The following SPTAN1 variants were observed in gnomAD, a reference collection of about 807,000 sequenced individuals.
SPTAN1 encodes the protein spectrin alpha, non-erythrocytic 1.
SPTAN1 carries 61 observed loss-of-function variants against 331.3 expected under a neutral mutation model. That is an observed-to-expected ratio of 0.18 (90% CI 0.15 to 0.23). The LOEUF (loss-of-function observed/expected upper bound fraction) is 0.23, where lower values mean the gene tolerates loss of function less well. SPTAN1 is among the 10% of genes least tolerant of loss of function. The pLI is 1.00. For synonymous variants in SPTAN1, 1,153 were observed against 1,173.9 expected (o/e 0.98, Z 0.36); for missense variants, 2,043 against 3,147.9 (o/e 0.65, Z 8.40).
At position 128,624,871 on chromosome 9, in the gene SPTAN1, A is replaced by G. The variant is rs1858497433; in HGVS notation, c.5993-232A>G. 2.0e-5 allele frequency: 12 copies of G among 606,852 alleles called. No individual in the cohort carries two copies. In the South Asian group the frequency reaches 2.3e-4, roughly 11 times the overall value. 37.6% of individuals were successfully genotyped at this position (606,852 alleles called of 1,614,324 possible). ...ATATCGGGGTCCACGTGTCCTGGGT[A>G]GTAGTAATAGCAACTGAACTAGAAG... On this transcript the variant is annotated intron_variant, in intron 46 of 56. Coordinates refer to ENST00000372739, the MANE Select transcript of SPTAN1 (RefSeq NM_001130438.3).
At chr9:128,574,525 T>A in intron 3 of SPTAN1, 150 bp from the exon 4 acceptor site, 3 of 978,876 alleles carry the variant, frequency 3.1e-6, no homozygotes, top group Non-Finnish European at 4.6e-6. Context: ...CCAGTTAAAT[T>A]TACTATTTCC....
intron 19 of SPTAN1, 25 bp from the exon 20 acceptor site, chr9:128,587,581 G>T (rs2131237306): frequency 6.2e-7 from 1 of 1,608,342 alleles, no homozygotes; most frequent in East Asian, 2.2e-5. Flanking sequence ...CCTGCACAGT[G>T]CTCCATGTGT....
At chr9:128,589,727 C>T (rs1162832089) in intron 21 of SPTAN1, among the ~76,000 whole-genome samples, 1 of 151,780 alleles carries the variant, frequency 6.6e-6, no homozygotes, top group Non-Finnish European at 1.5e-5. Flanking sequence ...AGGTGCCTGC[C>T]ACCACGCCCG....
At chr9:128,568,487 A>G (rs149459276) in intron 2 of SPTAN1, among the ~76,000 whole-genome samples, 4 of 152,328 alleles carry the variant, frequency 2.6e-5, no homozygotes, top group Non-Finnish European at 5.9e-5. Context: ...AAAACAAAAA[A>G]TTATTAATAG....
At chr9:128,562,537 GAT>G (rs1200492644) in intron 1 of SPTAN1, among the ~76,000 whole-genome samples, 1 of 152,160 alleles carries the variant, frequency 6.6e-6, no homozygotes, top group East Asian at 1.9e-4. Context: ...CTTGACATGA[GAT>G]ACGGCTGGAG....
chr9:128,583,001 T>A, intron 14 of SPTAN1, 76 bp from the exon 15 acceptor site: 2 of 1,581,842 alleles, frequency 1.3e-6, no homozygotes, highest in Non-Finnish European at 1.7e-6. Flanking sequence ...TCCATAAAGA[T>A]AAGTATGAAG....
chr9:128,562,039 CAG>C (rs1475583075), intron 1 of SPTAN1, among the ~76,000 whole-genome samples: 1 of 152,058 alleles, frequency 6.6e-6, no homozygotes, highest in African/African-American at 2.4e-5. Flanking sequence ...GGTGGGTGGT[CAG>C]GGAGTGGAGA....
intron 24 of SPTAN1, chr9:128,595,837 TTTTC>T (rs1854203316): frequency 6.6e-6 from 1 of 152,042 alleles, no homozygotes; most frequent in Non-Finnish European, 1.5e-5. Flanking sequence ...TTTGTTTAGG[TTTTC>T]TTTCTTTTAT....
intron 10 of SPTAN1, 89 bp from the exon 11 acceptor site, chr9:128,580,833 G>C: frequency 1.9e-6 from 3 of 1,586,990 alleles, no homozygotes; most frequent in Non-Finnish European, 8.6e-7. Flanking sequence ...TTAGCACTAG[G>C]ATTAGGAATT....
At chr9:128,590,547 T>TA (rs766776858) in intron 21 of SPTAN1, among the ~76,000 whole-genome samples, 73,752 of 103,900 alleles carry the variant, frequency 0.71, 30,518 homozygotes, top group Non-Finnish European at 0.89. Flanking sequence ...CTATTTATAT[T>TA]AAAAAAGAAA....
chr9:128,599,778 G>A (rs150074139), intron 26 of SPTAN1: 1 of 366,260 alleles, frequency 2.7e-6, no homozygotes. Context: ...CCCCTTTGCA[G>A]ACAATCTTAT....
At position 128,584,841 on chromosome 9, in the gene SPTAN1, A is replaced by C. The variant is rs777702782; in HGVS notation, c.2558A>C (p.Glu853Ala). Residue 853 changes from glutamate (E) to alanine (A), a missense_variant and splice_region_variant, in exon 18 of 57, where the codon GAA becomes GCA. Glu to Ala is a moderately radical substitution (Grantham distance 107). Around this residue, in one of 12 missense-constraint regions of SPTAN1, gnomAD observed 1,038 missense variants for 1,531.5 expected, o/e 0.68. Transcript: ENST00000372739. ...CAGAAGGGGAATGCCATGGTGGAGG[A>C]AGGTGAGTGATTGGTATCAGTGACA... ...VTQKGNAMVE[E>A]GHFAAEDVKA... 3.1e-6 allele frequency: 5 copies of C among 1,614,096 alleles called. No homozygotes were observed. Among genetic ancestry groups the C allele is most frequent in the Non-Finnish European group, 4.2e-6 (5 of 1,180,018 alleles).
At chr9:128,554,843 T>C (rs1441053169) in intron 1 of SPTAN1, among the ~76,000 whole-genome samples, 2 of 152,248 alleles carry the variant, frequency 1.3e-5, no homozygotes, top group African/African-American at 4.8e-5. Flanking sequence ...TGCATATTCC[T>C]CTTGTACCAA....
At chr9:128,591,355 T>C (rs1853490975) in intron 21 of SPTAN1, 122 bp from the exon 22 acceptor site, 1 of 1,302,656 alleles carries the variant, frequency 7.7e-7, no homozygotes, top group African/African-American at 1.5e-5. Context: ...TGTGAGCCAC[T>C]GTGGCCGGCC....
intron 1 of SPTAN1, among the ~76,000 whole-genome samples, chr9:128,562,983 C>CAT (rs1849565252): frequency 8.3e-6 from 1 of 120,802 alleles, no homozygotes; most frequent in African/African-American, 3.6e-5. Flanking sequence ...TATATATATA[C>CAT]ATGTATGTGT....
At chr9:128,568,187 A>G (rs1048081283) in intron 2 of SPTAN1, among the ~76,000 whole-genome samples, 3 of 152,234 alleles carry the variant, frequency 2.0e-5, no homozygotes, top group African/African-American at 7.2e-5. Context: ...ACTATAAAAA[A>G]TTGATTACAG....
chr9:128,625,870 G>A lies in SPTAN1; in HGVS notation c.6171G>A (p.Lys2057=), dbSNP rs777182182. ...QLLAAKHVQS[K]AIEARHASLM... is the part of the protein sequence containing the mutation. The stretch of plus-strand genomic sequence containing the variant: ...TCGCCGCCAAACACGTTCAGTCCAA[G>A]GCCATCGAGGCCCGGCACGCCTCCC... The change falls in exon 48 of 57, where the codon AAG becomes AAA. Residue 2057 remains lysine, a synonymous_variant. Coordinates refer to ENST00000372739, the MANE Select transcript of SPTAN1 (RefSeq NM_001130438.3). The surrounding 1 kb of genome is among the most constrained non-coding windows in gnomAD (Gnocchi z 4.1). 7 of 1,614,180 alleles carry A rather than the reference G, an allele frequency of 4.3e-6. No homozygotes were observed. In the South Asian group the frequency reaches 7.7e-5, roughly 18 times the overall value.
intron 5 of SPTAN1, 67 bp downstream of exon 5, chr9:128,575,412 A>G: frequency 6.3e-7 from 1 of 1,575,978 alleles, no homozygotes; most frequent in Non-Finnish European, 8.6e-7. Flanking sequence ...TATTCAGGAT[A>G]AAATTTTGAT....
In SPTAN1 at chr9:128,587,772, A is replaced by G. The variant is rs570885419; in HGVS notation, c.2871+74A>G. 65 of 1,215,534 alleles carry G rather than the reference A, an allele frequency of 5.3e-5. No individual in the cohort carries two copies. In the East Asian group the frequency reaches 6.6e-4, roughly 12 times the overall value. The allele number at this position is 1,215,534 out of a possible 1,614,324, so 75.3% of individuals were successfully genotyped here. A position where few individuals can be genotyped will look rare whatever the true frequency, so the allele number is the denominator to read the frequency against. On this transcript the variant is annotated intron_variant, in intron 20 of 56. Coordinates refer to ENST00000372739, the MANE Select transcript of SPTAN1 (RefSeq NM_001130438.3). ...TCAGATACTGTCAGCAGGTGTTCCT[A>G]TCATAGGCCCCATTTGACTCTGCTA...
Sources: gnomAD v4.1 joint callset for allele counts (sites outside exome capture counted in the v4.1 genomes callset) on GRCh38, gnomAD v4.1.1 for gene constraint, gnomAD v4.1.1 regional missense constraint, Gnocchi (gnomAD v3.1) non-coding constraint, MANE v1.5 for transcripts, NCBI Gene and HGNC (gene_info 2026-07-23, HGNC 2026-07-21) for gene names.